Variants in DNAJC15 observed in about 807,000 individuals in gnomAD.
DNAJC15 encodes the protein DnaJ heat shock protein family (Hsp40) member C15, also known as dnaJ homolog subfamily C member 15.
In DNAJC15, 27 loss-of-function variants were observed where a neutral mutation model predicts 22.4. The observed-to-expected ratio is 1.20, with a 90% CI of 0.89 to 1.66. DNAJC15 has a LOEUF of 1.66. DNAJC15 is among the 40% of genes most tolerant of loss of function. The pLI is 0.00. For missense variants in DNAJC15, 208 were observed against 187.1 expected (o/e 1.11, Z -0.65); for synonymous variants, 79 against 63.2 (o/e 1.25, Z -1.19).
intron 3 of DNAJC15, among the ~76,000 whole-genome samples, chr13:43,075,442 A>G (rs987774480): frequency 1.4e-4 from 21 of 152,214 alleles, no homozygotes; most frequent in Non-Finnish European, 1.5e-5. Flanking sequence ...AGAGCTCCCT[A>G]AGGTAAATAA....
chr13:43,094,850 T>A (rs915985730), intron 5 of DNAJC15, among the ~76,000 whole-genome samples: 2 of 152,202 alleles, frequency 1.3e-5, no homozygotes, highest in Non-Finnish European at 2.9e-5. Context: ...ATTTCTTGCG[T>A]TCCACCAAGA....
At chr13:43,097,709 G>A (rs1316767714) in intron 5 of DNAJC15, among the ~76,000 whole-genome samples, 1 of 152,044 alleles carries the variant, frequency 6.6e-6, no homozygotes, top group Non-Finnish European at 1.5e-5. Context: ...AGGCTGAGGC[G>A]GGGAGATCAC....
At chr13:43,074,749 C>A (rs1232087325) in intron 3 of DNAJC15, among the ~76,000 whole-genome samples, 1 of 151,992 alleles carries the variant, frequency 6.6e-6, no homozygotes, top group African/African-American at 2.4e-5. Flanking sequence ...TATATAAGAC[C>A]TAAATTTTCT....
intron 1 of DNAJC15, among the ~76,000 whole-genome samples, chr13:43,055,789 G>T (rs1182270894): frequency 1.3e-5 from 2 of 151,950 alleles, no homozygotes; most frequent in South Asian, 2.1e-4. Context: ...GTTTGTTCTT[G>T]TTTCTCTTTT....
chr13:43,034,364 G>T (rs1296762615), intron 1 of DNAJC15, among the ~76,000 whole-genome samples: 6 of 125,472 alleles, frequency 4.8e-5, no homozygotes, highest in Admixed American at 3.0e-4. Context: ...CGCCCAGACT[G>T]GAGTGCAGTG....
chr13:43,104,589 G>A (rs1232467907), intron 5 of DNAJC15, among the ~76,000 whole-genome samples: 2 of 152,152 alleles, frequency 1.3e-5, no homozygotes, highest in African/African-American at 2.4e-5. Flanking sequence ...TACTAAGGGT[G>A]AAGGTGAGTG....
intron 3 of DNAJC15, among the ~76,000 whole-genome samples, chr13:43,073,097 A>T (rs367648681): frequency 5.1e-4 from 77 of 152,174 alleles, no homozygotes; most frequent in African/African-American, 1.6e-3. Context: ...ATGTCCAGTG[A>T]TCCTTGGTTG....
intron 1 of DNAJC15, among the ~76,000 whole-genome samples, chr13:43,035,639 T>C (rs1270722235): frequency 6.6e-6 from 1 of 152,246 alleles, no homozygotes; most frequent in Non-Finnish European, 1.5e-5. Flanking sequence ...AAGAGATTTC[T>C]ATATTTTTAT....
chr13:43,070,671 G>A (rs1331466809), intron 3 of DNAJC15, among the ~76,000 whole-genome samples: 1 of 152,090 alleles, frequency 6.6e-6, no homozygotes, highest in African/African-American at 2.4e-5. Flanking sequence ...AGGTCCTGAG[G>A]TGCAAATGAG....
intron 4 of DNAJC15, among the ~76,000 whole-genome samples, chr13:43,083,176 G>GT (rs559805021): frequency 1.1e-4 from 17 of 149,834 alleles, no homozygotes; most frequent in South Asian, 2.1e-4. Flanking sequence ...TCTTTTTTTT[G>GT]TTTTTTTTTG....
intron 5 of DNAJC15, among the ~76,000 whole-genome samples, chr13:43,092,175 G>A (rs900220351): frequency 1.3e-5 from 2 of 152,146 alleles, no homozygotes; most frequent in Non-Finnish European, 2.9e-5. Context: ...GGGGACAAAT[G>A]ATTTAGGATT....
chr13:43,038,086 A>G (rs933659938), intron 1 of DNAJC15, among the ~76,000 whole-genome samples: 2 of 152,206 alleles, frequency 1.3e-5, no homozygotes, highest in African/African-American at 4.8e-5. Context: ...TTTTTGTATT[A>G]CAAATAAAAC....
At chr13:43,081,346 A>G (rs1028654251) in intron 4 of DNAJC15, among the ~76,000 whole-genome samples, 1 of 152,192 alleles carries the variant, frequency 6.6e-6, no homozygotes, top group Non-Finnish European at 1.5e-5. Context: ...AGGAAATGAC[A>G]TTATTCAGGG....
intron 3 of DNAJC15, among the ~76,000 whole-genome samples, chr13:43,078,329 G>T (rs1324133838): frequency 1.3e-5 from 2 of 152,070 alleles, no homozygotes; most frequent in Admixed American, 1.3e-4. Flanking sequence ...CTTAGAAAAA[G>T]TTCAAGCATT....
chr13:43,057,059 G>C (rs2040534843), intron 1 of DNAJC15, among the ~76,000 whole-genome samples: 1 of 152,118 alleles, frequency 6.6e-6, no homozygotes, highest in African/African-American at 2.4e-5. Flanking sequence ...CCTTCATCTT[G>C]ACTTTAGATA....
chr13:43,067,479 T>C (rs895772875), intron 2 of DNAJC15, among the ~76,000 whole-genome samples: 1 of 152,214 alleles, frequency 6.6e-6, no homozygotes, highest in Admixed American at 6.5e-5. Context: ...GGCATAGTTA[T>C]GAATTCAAAT....
intron 1 of DNAJC15, among the ~76,000 whole-genome samples, chr13:43,024,708 C>A (rs61074976): frequency 0.26 from 39,228 of 151,030 alleles, 5,256 homozygotes; most frequent in African/African-American, 0.34. Context: ...TGATTTTAAC[C>A]ATGTATTTTC....
chr13:43,063,406 C>G (rs916371541), intron 1 of DNAJC15, among the ~76,000 whole-genome samples: 2 of 152,202 alleles, frequency 1.3e-5, no homozygotes, highest in Non-Finnish European at 2.9e-5. Context: ...TATATTTTAT[C>G]CTCACATAAC....
At chr13:43,059,067 A>G (rs917956933) in intron 1 of DNAJC15, among the ~76,000 whole-genome samples, 2 of 152,140 alleles carry the variant, frequency 1.3e-5, no homozygotes, top group African/African-American at 2.4e-5. Flanking sequence ...TCTTGGAGCA[A>G]AAGTTCACGG....
Sources: allele counts gnomAD v4.1 joint callset (sites outside exome capture counted in the v4.1 genomes callset), GRCh38; gene constraint gnomAD v4.1.1; transcripts MANE v1.5; gene names NCBI Gene and HGNC (gene_info 2026-07-23, HGNC 2026-07-21).